SPHKAP: variants seen among roughly 807,000 people sequenced by gnomAD.
SPHKAP encodes A-kinase anchor protein SPHKAP.
A neutral mutation model predicts 137.5 loss-of-function variants in SPHKAP; 67 were observed. The ratio of observed to expected loss-of-function variants is 0.49; its 90% confidence interval spans 0.40 to 0.60. SPHKAP has a LOEUF of 0.60. Ranked by LOEUF, SPHKAP falls within the 20% of genes least tolerant of loss-of-function variation. The pLI is 0.00. For synonymous variants in SPHKAP, 813 were observed against 785.3 expected (o/e 1.04, Z -0.59); for missense variants, 2,097 against 2,069.3 (o/e 1.01, Z -0.26).
At chr2:228,083,970 A>G (rs1011219857) in intron 3 of SPHKAP, among the ~76,000 whole-genome samples, 1 of 152,024 alleles carries the variant, frequency 6.6e-6, no homozygotes, top group African/African-American at 2.4e-5. Flanking sequence ...ATTAGGACAA[A>G]TATCTACTGG....
chr2:228,074,816 C>T (rs1401013016), intron 3 of SPHKAP, among the ~76,000 whole-genome samples: 1 of 152,146 alleles, frequency 6.6e-6, no homozygotes, highest in Admixed American at 6.5e-5. Context: ...CTTCCTTCCT[C>T]CCCTTCTTTT....
chr2:228,100,537 G>A (rs1698155707), intron 3 of SPHKAP, among the ~76,000 whole-genome samples: 1 of 152,168 alleles, frequency 6.6e-6, no homozygotes, highest in South Asian at 2.1e-4. Context: ...AGTTTGTTGA[G>A]GGTTTTTATC....
chr2:228,116,756 C>T (rs1004187738), intron 2 of SPHKAP, among the ~76,000 whole-genome samples: 13 of 152,090 alleles, frequency 8.5e-5, no homozygotes, highest in Admixed American at 8.5e-4. Context: ...TCAGCTCTCT[C>T]TTGCTAATCT....
chr2:228,107,204 A>G (rs1331199832), intron 3 of SPHKAP, among the ~76,000 whole-genome samples: 1 of 152,126 alleles, frequency 6.6e-6, no homozygotes, highest in Non-Finnish European at 1.5e-5. Context: ...TCTAAATTAA[A>G]TTTTGTATCC....
intron 7 of SPHKAP, among the ~76,000 whole-genome samples, chr2:228,001,997 C>T (rs183527237): frequency 9.5e-4 from 145 of 152,302 alleles, no homozygotes; most frequent in African/African-American, 3.2e-3. Flanking sequence ...GGTTCCAAGT[C>T]TTTGCTATTG....
chr2:228,174,758 T>C (rs972531785), intron 1 of SPHKAP, among the ~76,000 whole-genome samples: 1 of 152,102 alleles, frequency 6.6e-6, no homozygotes, highest in South Asian at 2.1e-4. Flanking sequence ...TGGAACTATA[T>C]GGCAGGGAAT....
Position 227,981,699 on chromosome 2 carries a change from A to G in SPHKAP, c.*18T>C, listed in dbSNP as rs753109186. ...TTGGAATAAAGGGAAGGAATGATCTATACGGCAGACTGCCTTATTATCCCA... is the reference window on the plus strand; with the variant it reads ...TTGGAATAAAGGGAAGGAATGATCTGTACGGCAGACTGCCTTATTATCCCA... On this transcript the variant is annotated 3_prime_UTR_variant, in exon 12 of 12. Transcript: ENST00000392056. 6.2e-7 allele frequency: 1 copy of G among 1,610,538 alleles called. No individual in the cohort carries two copies. Among genetic ancestry groups the G allele is most frequent in the Non-Finnish European group, 8.5e-7 (1 of 1,178,326 alleles).
chr2:228,023,809 G>T (rs55712397), intron 5 of SPHKAP, among the ~76,000 whole-genome samples: 2 of 152,108 alleles, frequency 1.3e-5, no homozygotes, highest in Non-Finnish European at 2.9e-5. Context: ...TCCAGCGCCA[G>T]GGGTGATCAT....
chr2:228,055,287 G>T (rs1696398829), intron 3 of SPHKAP, among the ~76,000 whole-genome samples: 2 of 151,944 alleles, frequency 1.3e-5, no homozygotes, highest in African/African-American at 4.8e-5. Flanking sequence ...ATAAGAAAGG[G>T]GATAAATAAA....
chr2:228,088,135 G>C (rs904535620), intron 3 of SPHKAP, among the ~76,000 whole-genome samples: 3 of 152,048 alleles, frequency 2.0e-5, no homozygotes, highest in South Asian at 2.1e-4. Context: ...CACAAGAAAA[G>C]TGAGAGAGAC....
intron 2 of SPHKAP, among the ~76,000 whole-genome samples, chr2:228,127,462 C>T (rs984325194): frequency 7.9e-5 from 12 of 152,162 alleles, no homozygotes; most frequent in African/African-American, 2.9e-4. Flanking sequence ...GTGGCATACA[C>T]AGTTACTAAA....
Position 227,981,721 on chromosome 2 carries a change from C to A in SPHKAP, c.5099G>T (p.Gly1700Val), listed in dbSNP as rs185241612. ...LSLFDWLLEL[G>V] ...TCTATACGGCAGACTGCCTTATTAT[C>A]CCAGTTCCAAGAGCCAGTCAAAGAG... The change falls in exon 12 of 12, where the codon GGA (glycine) becomes GTA (valine). Residue 1700 changes from glycine (G) to valine (V), a missense_variant. By Grantham distance (109) the Gly-to-Val change is moderately radical. Coordinates refer to ENST00000392056, the MANE Select transcript of SPHKAP (RefSeq NM_001142644.2). The A allele has an allele frequency of 1.9e-6, 3 of 1,612,684 alleles. No individual in the cohort carries two copies. The African/African-American group carries it at 4.0e-5, about 22-fold the overall frequency.
chr2:228,097,988 T>C (rs1698048177), intron 3 of SPHKAP, among the ~76,000 whole-genome samples: 3 of 152,222 alleles, frequency 2.0e-5, no homozygotes, highest in Admixed American at 2.0e-4. Context: ...TATTCCTTTG[T>C]GTATATACCC....
At chr2:228,159,301 A>G (rs1422636197) in intron 1 of SPHKAP, among the ~76,000 whole-genome samples, 2 of 152,234 alleles carry the variant, frequency 1.3e-5, no homozygotes, top group African/African-American at 4.8e-5. Flanking sequence ...AACAAAGAGC[A>G]GGGGAGTTTT....
chr2:227,981,624 G>A lies in SPHKAP; in HGVS notation c.*93C>T, dbSNP rs1411505470. The A allele has an allele frequency of 2.8e-6, 4 of 1,448,158 alleles. No homozygotes were observed. Among genetic ancestry groups the A allele is most frequent in the Non-Finnish European group, 3.7e-6 (4 of 1,077,240 alleles). The allele number at this position is 1,448,158 out of a possible 1,614,324, so 89.7% of individuals were successfully genotyped here. The stretch of plus-strand genomic sequence containing the variant: ...TTTTATAGTTCTGCTAATGTGATGT[G>A]ATGTTTTGAGAATGTTTAGAGCATT... On this transcript the variant is annotated 3_prime_UTR_variant, in exon 12 of 12. Coordinates refer to ENST00000392056, the MANE Select transcript of SPHKAP (RefSeq NM_001142644.2).
chr2:228,045,517 ATGTTCTC>A (rs1696009002), intron 3 of SPHKAP, among the ~76,000 whole-genome samples: 1 of 151,742 alleles, frequency 6.6e-6, no homozygotes, highest in East Asian at 1.9e-4. Flanking sequence ...CAAACACCAC[ATGTTCTC>A]ACTCATAGGT....
At chr2:228,138,631 G>C (rs1251779153) in intron 1 of SPHKAP, among the ~76,000 whole-genome samples, 2 of 152,074 alleles carry the variant, frequency 1.3e-5, no homozygotes, top group Admixed American at 1.3e-4. Flanking sequence ...AAAATATTTA[G>C]AAGCCATCAT....
chr2:227,991,280 T>C lies in SPHKAP; in HGVS notation c.4768A>G (p.Thr1590Ala), dbSNP rs754602349. Residue 1590 changes from threonine to alanine, a missense_variant, in exon 10 of 12, where the codon ACA (threonine) becomes GCA (alanine). Thr to Ala is a moderately conservative substitution (Grantham distance 58, BLOSUM62 0). Transcript: ENST00000392056. ...KKILKGQSES[T>A]EAPASGPPTG... ...GTATGGGAAGGTGGCTTACCCTCTG[T>C]GCTTTCTGACTGTCCTTTAAGAATC... The C allele has an allele frequency of 3.2e-5, 52 of 1,614,112 alleles. No homozygotes were observed. Among genetic ancestry groups the C allele is most frequent in the South Asian group, 1.6e-4 (15 of 91,088 alleles).
At chr2:228,072,850 T>C (rs1194224273) in intron 3 of SPHKAP, among the ~76,000 whole-genome samples, 1 of 152,214 alleles carries the variant, frequency 6.6e-6, no homozygotes, top group Non-Finnish European at 1.5e-5. Flanking sequence ...AGCTTCCAGT[T>C]GGTTCAGCCC....
Sources: gnomAD v4.1 joint callset for allele counts (sites outside exome capture counted in the v4.1 genomes callset) on GRCh38, gnomAD v4.1.1 for gene constraint, MANE v1.5 for transcripts, NCBI Gene and HGNC (gene_info 2026-07-23, HGNC 2026-07-21) for gene names.